CERS6: variants seen among roughly 807,000 people sequenced by gnomAD.
CERS6 encodes ceramide synthase 6.
In CERS6, 26 loss-of-function variants were observed where a neutral mutation model predicts 56.8. The observed-to-expected ratio is 0.46, with a 90% CI of 0.34 to 0.63. The LOEUF (loss-of-function observed/expected upper bound fraction) is 0.63. Among genes scored for constraint, CERS6 ranks in the 30% least tolerant of loss-of-function variants. The pLI, the probability that CERS6 is intolerant of heterozygous loss-of-function variation, is 0.01. For missense variants in CERS6, 415 were observed against 467.5 expected, an observed-to-expected ratio of 0.89 and a Z score of 1.04; for synonymous variants, 164 against 173.3, an observed-to-expected ratio of 0.95 and a Z score of 0.42.
At chr2:168,666,641 T>C (rs1245548124) in intron 4 of CERS6, among the ~76,000 whole-genome samples, 1 of 152,246 alleles carries the variant, frequency 6.6e-6, no homozygotes, top group African/African-American at 2.4e-5. Context: ...TCAGTTCATT[T>C]GGATAAATAC....
At chr2:168,542,093 G>T (rs1257626946) in intron 1 of CERS6, among the ~76,000 whole-genome samples, 12 of 152,060 alleles carry the variant, frequency 7.9e-5, no homozygotes, top group Admixed American at 7.9e-4. Context: ...CTTTTTTTCA[G>T]TCTCCAGAGC....
At chr2:168,495,007 T>A (rs551272385) in intron 1 of CERS6, among the ~76,000 whole-genome samples, 1 of 152,268 alleles carries the variant, frequency 6.6e-6, no homozygotes, top group South Asian at 2.1e-4. Context: ...TCTGAGGGTA[T>A]GTTTAAGTTA....
chr2:168,486,956 TA>T (rs77483083), intron 1 of CERS6, among the ~76,000 whole-genome samples: 11,775 of 152,214 alleles, frequency 0.077, 506 homozygotes, highest in East Asian at 0.18. Context: ...ATAGTCCACT[TA>T]ATGATTTTTT....
chr2:168,524,613 AG>A (rs941482201), intron 1 of CERS6, among the ~76,000 whole-genome samples: 5 of 152,234 alleles, frequency 3.3e-5, no homozygotes, highest in South Asian at 4.1e-4. Flanking sequence ...TGTAGCACTC[AG>A]GGGGTTGGGA....
At chr2:168,746,371 A>G (rs148815585) in intron 8 of CERS6, among the ~76,000 whole-genome samples, 16 of 152,266 alleles carry the variant, frequency 1.1e-4, no homozygotes, top group Non-Finnish European at 1.9e-4. Context: ...TGATAAGTTT[A>G]TTATTTTACT....
intron 1 of CERS6, among the ~76,000 whole-genome samples, chr2:168,517,494 AAAATAAATAAAT>A (rs148764497): frequency 3.3e-5 from 5 of 149,552 alleles, no homozygotes; most frequent in East Asian, 2.1e-4. Context: ...ACTGCCTCAA[AAAATAAATAAAT>A]AAATAAATAA....
intron 2 of CERS6, among the ~76,000 whole-genome samples, chr2:168,548,845 C>T (rs375383228): frequency 3.2e-4 from 48 of 152,156 alleles, no homozygotes; most frequent in African/African-American, 1.1e-3. Flanking sequence ...TTTTTCATAT[C>T]TCTGCTAGGA....
At chr2:168,696,987 A>T (rs1163069195) in intron 6 of CERS6, among the ~76,000 whole-genome samples, 1 of 152,168 alleles carries the variant, frequency 6.6e-6, no homozygotes, top group African/African-American at 2.4e-5. Flanking sequence ...CAGTACTGTA[A>T]TGTATCATTT....
At chr2:168,733,886 T>C (rs1574202774) in intron 8 of CERS6, among the ~76,000 whole-genome samples, 1 of 97,902 alleles carries the variant, frequency 1.0e-5, no homozygotes, top group Admixed American at 1.3e-4. Flanking sequence ...CTTGAACCCA[T>C]TAGGGGGAAA....
intron 8 of CERS6, 61 bp downstream of exon 8, chr2:168,718,039 T>C: frequency 1.6e-6 from 2 of 1,241,970 alleles, no homozygotes; most frequent in South Asian, 1.3e-5. Flanking sequence ...TTCTGAACCA[T>C]TTTCCTTTTG....
In CERS6 at chr2:168,772,156, A is replaced by G. The variant is rs954715744; in HGVS notation, c.*2494A>G. ...GTACCAGGCCATAGCTTTGAAGTGT[A>G]TTTTGTAAATTCAACTATAGGTTAG... On this transcript the variant is annotated 3_prime_UTR_variant, in exon 10 of 10. Coordinates refer to ENST00000305747, the MANE Select transcript of CERS6 (RefSeq NM_203463.3). 6 of 152,176 alleles carry G rather than the reference A, an allele frequency of 3.9e-5. No individual in the cohort carries two copies. Among genetic ancestry groups the G allele is most frequent in the African/African-American group, 1.4e-4 (6 of 41,446 alleles). 9.4% of individuals were successfully genotyped at this position (152,176 alleles called of 1,614,324 possible). A position where few individuals can be genotyped will look rare whatever the true frequency, so the allele number is the denominator to read the frequency against.
intron 1 of CERS6, among the ~76,000 whole-genome samples, chr2:168,526,642 A>C (rs1007963007): frequency 6.6e-6 from 1 of 152,248 alleles, no homozygotes; most frequent in Admixed American, 6.5e-5. Context: ...TAAGTGATCA[A>C]ATCAGGATTT....
chr2:168,630,320 ACACACACG>A (rs942982698), intron 3 of CERS6, among the ~76,000 whole-genome samples: 27 of 140,734 alleles, frequency 1.9e-4, no homozygotes, highest in African/African-American at 3.0e-4. Context: ...ACACACACAC[ACACACACG>A]CACACATCTT....
intron 7 of CERS6, among the ~76,000 whole-genome samples, chr2:168,716,707 CT>C (rs1286189918): frequency 1.3e-5 from 2 of 152,024 alleles, no homozygotes; most frequent in African/African-American, 4.8e-5. Context: ...CATGATTTAC[CT>C]AGCCAGGAGA....
At chr2:168,547,082 A>C (rs1172990883) in intron 1 of CERS6, among the ~76,000 whole-genome samples, 2 of 152,238 alleles carry the variant, frequency 1.3e-5, no homozygotes, top group Non-Finnish European at 2.9e-5. Context: ...AAAGCAGAGA[A>C]TTTTAAGAAG....
At chr2:168,520,738 T>C (rs1694964090) in intron 1 of CERS6, among the ~76,000 whole-genome samples, 1 of 150,672 alleles carries the variant, frequency 6.6e-6, no homozygotes, top group South Asian at 2.1e-4. Flanking sequence ...GCCTCCTTAG[T>C]AGCTGGGATT....
chr2:168,636,691 C>T, intron 4 of CERS6, among the ~76,000 whole-genome samples: 1 of 152,170 alleles, frequency 6.6e-6, no homozygotes, highest in East Asian at 1.9e-4. Context: ...AAAGGAAATT[C>T]TTCAGTGCTG....
intron 8 of CERS6, among the ~76,000 whole-genome samples, chr2:168,720,168 G>A (rs1376047658): frequency 6.6e-6 from 1 of 151,394 alleles, no homozygotes; most frequent in Non-Finnish European, 1.5e-5. Flanking sequence ...GACCTCAAGT[G>A]ATCCACCCGC....
chr2:168,713,399 A>G (rs981303337), intron 6 of CERS6, among the ~76,000 whole-genome samples: 6 of 152,208 alleles, frequency 3.9e-5, no homozygotes, highest in African/African-American at 1.4e-4. Context: ...AAATAGAGCA[A>G]CATTAGGGTC....
Sources: allele counts gnomAD v4.1 joint callset (sites outside exome capture counted in the v4.1 genomes callset), GRCh38; gene constraint gnomAD v4.1.1; transcripts MANE v1.5; gene names NCBI Gene and HGNC (gene_info 2026-07-23, HGNC 2026-07-21).